RASAL2: variants seen among roughly 807,000 people sequenced by gnomAD.
RASAL2 encodes the protein ras GTPase-activating protein nGAP.
A neutral mutation model predicts 128.9 loss-of-function variants in RASAL2; 58 were observed. That is an observed-to-expected ratio of 0.45 (90% CI 0.36 to 0.56). The LOEUF (loss-of-function observed/expected upper bound fraction) is 0.56. Among genes scored for constraint, RASAL2 ranks in the 20% least tolerant of loss-of-function variants. RASAL2 has a pLI of 0.00. For missense variants in RASAL2, 1,360 were observed against 1,601.6 expected (o/e 0.85, Z 2.57); for synonymous variants, 561 against 580.8 (o/e 0.97, Z 0.49).
In RASAL2 at chr1:178,103,422, G is replaced by A. The variant is rs140295892; in HGVS notation, c.202+8728G>A. ...CATAGAATTGCTAGGTCAAAGGTAC[G>A]TGTATTTGTAATTTTGAAAGATATT... On this transcript the variant is annotated intron_variant, in intron 1 of 17. Transcript: ENST00000367649. Among the ~76,000 whole-genome samples, 394 of 152,164 alleles carry A rather than the reference G, an allele frequency of 2.6e-3. 1 individual carries two copies. Among genetic ancestry groups the A allele is most frequent in the African/African-American group, 9.2e-3 (380 of 41,510 alleles).
intron 1 of RASAL2, among the ~76,000 whole-genome samples, chr1:178,253,040 G>A (rs1032068576): frequency 2.6e-5 from 4 of 152,138 alleles, no homozygotes; most frequent in Non-Finnish European, 5.9e-5. Context: ...TCTCAGTTCA[G>A]GAGGCTAGAA....
intron 1 of RASAL2, among the ~76,000 whole-genome samples, chr1:178,222,704 T>C (rs1168931508): frequency 2.0e-5 from 3 of 152,158 alleles, no homozygotes; most frequent in Admixed American, 1.3e-4. Flanking sequence ...GTTAAGAGCT[T>C]GTGGATATCT....
chr1:178,467,567 G>A, intron 17 of RASAL2, 146 bp downstream of exon 17: 1 of 658,858 alleles, frequency 1.5e-6, no homozygotes, highest in Non-Finnish European at 2.7e-6. Context: ...TTAAATGAGT[G>A]TCTGTGTGAC....
intron 3 of RASAL2, among the ~76,000 whole-genome samples, chr1:178,322,022 G>A (rs1414274314): frequency 6.6e-6 from 1 of 151,388 alleles, no homozygotes; most frequent in Admixed American, 6.6e-5. Flanking sequence ...TGGTAGAGAT[G>A]GGGTCTCACC....
chr1:178,222,456 T>A (rs1370956656), intron 1 of RASAL2, among the ~76,000 whole-genome samples: 1 of 152,110 alleles, frequency 6.6e-6, no homozygotes, highest in African/African-American at 2.4e-5. Context: ...AATATACATT[T>A]ACGATTAATT....
chr1:178,150,684 C>T (rs1430795243), intron 1 of RASAL2, among the ~76,000 whole-genome samples: 1 of 152,034 alleles, frequency 6.6e-6, no homozygotes, highest in Non-Finnish European at 1.5e-5. Context: ...CATTATTCAT[C>T]ATTATTCATG....
At chr1:178,442,618 A>G in intron 7 of RASAL2, 57 bp from the exon 8 acceptor site, 1 of 1,472,412 alleles carries the variant, frequency 6.8e-7, no homozygotes, top group Non-Finnish European at 9.2e-7. Context: ...TTAAGAAAAA[A>G]ATGTTTTTTT....
intron 1 of RASAL2, among the ~76,000 whole-genome samples, chr1:178,247,934 C>A (rs561605539): frequency 6.6e-6 from 1 of 152,216 alleles, no homozygotes; most frequent in East Asian, 1.9e-4. Flanking sequence ...GTCTGAGAGG[C>A]TGTTTGTTAT....
intron 1 of RASAL2, among the ~76,000 whole-genome samples, chr1:178,270,249 A>T (rs1001079369): frequency 6.6e-6 from 1 of 151,992 alleles, no homozygotes; most frequent in African/African-American, 2.4e-5. Flanking sequence ...TCGATCTAGA[A>T]ACTCACATCA....
At chr1:178,234,623 C>T (rs900914580) in intron 1 of RASAL2, among the ~76,000 whole-genome samples, 1 of 152,114 alleles carries the variant, frequency 6.6e-6, no homozygotes, top group Non-Finnish European at 1.5e-5. Flanking sequence ...TTGACCTTAT[C>T]TGGTGAACAA....
intron 1 of RASAL2, among the ~76,000 whole-genome samples, chr1:178,109,084 A>G (rs971007209): frequency 2.6e-5 from 4 of 152,180 alleles, no homozygotes; most frequent in African/African-American, 9.7e-5. Context: ...TAAGAACCAC[A>G]AGTTGTATTC....
chr1:178,348,250 T>C (rs1000800057), intron 3 of RASAL2, among the ~76,000 whole-genome samples: 3 of 152,232 alleles, frequency 2.0e-5, no homozygotes, highest in African/African-American at 4.8e-5. Context: ...TGAAAACTTA[T>C]TGACCTGTAC....
At chr1:178,349,836 C>T (rs954015784) in intron 3 of RASAL2, among the ~76,000 whole-genome samples, 5 of 152,058 alleles carry the variant, frequency 3.3e-5, no homozygotes, top group South Asian at 2.1e-4. Context: ...TTATATTGGA[C>T]GAAAAATAAC....
At chr1:178,271,885 G>T (rs749331184) in intron 1 of RASAL2, among the ~76,000 whole-genome samples, 5 of 152,034 alleles carry the variant, frequency 3.3e-5, no homozygotes, top group Non-Finnish European at 5.9e-5. Flanking sequence ...TCAGCCGTAG[G>T]GCCCCCCACC....
At chr1:178,174,809 A>G (rs1474274370) in intron 1 of RASAL2, among the ~76,000 whole-genome samples, 1 of 152,168 alleles carries the variant, frequency 6.6e-6, no homozygotes, top group Non-Finnish European at 1.5e-5. Context: ...TGGTTCCTTC[A>G]TGTGCTAAAT....
At chr1:178,168,191 T>C (rs1661581331) in intron 1 of RASAL2, among the ~76,000 whole-genome samples, 1 of 151,980 alleles carries the variant, frequency 6.6e-6, no homozygotes, top group African/African-American at 2.4e-5. Context: ...CTCCCCAGTT[T>C]TAACAAACAT....
intron 1 of RASAL2, among the ~76,000 whole-genome samples, chr1:178,202,054 C>T (rs763499889): frequency 3.3e-5 from 5 of 152,088 alleles, no homozygotes; most frequent in East Asian, 1.9e-4. Context: ...CAGACATTTC[C>T]GGGACCATTG....
rs1274218973 is a variant in RASAL2, at chr1:178,164,708, T to C, written c.202+70014T>C. Among the ~76,000 whole-genome samples, 4 of 151,984 alleles carry C rather than the reference T, an allele frequency of 2.6e-5. No homozygotes were observed. In the South Asian group the frequency reaches 8.3e-4, roughly 32 times the overall value. On this transcript the variant is annotated intron_variant, in intron 1 of 17. Transcript: ENST00000367649. ...AAGCTTTCTTGGGTGGTGATATAGT[T>C]GATAAATTACCTATTTTGGTGGAGT...
intron 1 of RASAL2, among the ~76,000 whole-genome samples, chr1:178,230,281 A>G (rs568271683): frequency 6.6e-6 from 1 of 152,296 alleles, no homozygotes; most frequent in East Asian, 1.9e-4. Flanking sequence ...ACAAGTATAT[A>G]TATTTTTAAT....
Sources: gnomAD v4.1 joint callset for allele counts (sites outside exome capture counted in the v4.1 genomes callset) on GRCh38, gnomAD v4.1.1 for gene constraint, MANE v1.5 for transcripts, NCBI Gene and HGNC (gene_info 2026-07-23, HGNC 2026-07-21) for gene names.